Variants in DEUP1 observed in about 807,000 individuals in gnomAD.
DEUP1 encodes coiled-coil domain containing 67.
In DEUP1, 82 loss-of-function variants were observed where a neutral mutation model predicts 87.4. The ratio of observed to expected loss-of-function variants is 0.94; its 90% CI spans 0.78 to 1.13. The LOEUF is 1.13. Ranked by LOEUF, DEUP1 falls within the 50% of genes most tolerant of loss-of-function variation. The pLI, the probability that DEUP1 is intolerant of heterozygous loss-of-function variation, is 0.00. For missense variants in DEUP1, 663 were observed against 681.5 expected (o/e 0.97, Z 0.30); for synonymous variants, 214 against 222.7 (o/e 0.96, Z 0.35).
intron 13 of DEUP1, among the ~76,000 whole-genome samples, chr11:93,417,021 G>A (rs1947665246): frequency 6.6e-6 from 1 of 151,528 alleles, no homozygotes; most frequent in African/African-American, 2.4e-5. Context: ...GTATACATGG[G>A]ACGTATCTCA....
At chr11:93,355,725 TA>T (rs1220363261) in intron 3 of DEUP1, among the ~76,000 whole-genome samples, 183 bp downstream of exon 3, 1 of 152,210 alleles carries the variant, frequency 6.6e-6, no homozygotes, top group African/African-American at 2.4e-5. Flanking sequence ...AATCAGAACC[TA>T]AATCCATAGA....
chr11:93,379,440 G>C (rs11020293), intron 7 of DEUP1, among the ~76,000 whole-genome samples: 2,511 of 152,222 alleles, frequency 0.016, 23 homozygotes, highest in East Asian at 0.059. Flanking sequence ...GTACATTGAG[G>C]AACATTATTA....
In DEUP1 at chr11:93,356,974, C is replaced by T. The variant is rs1375604890; in HGVS notation, c.228C>T (p.Asp76=). 6.2e-7 allele frequency: 1 copy of T among 1,602,426 alleles called. No individual in the cohort carries two copies. Among genetic ancestry groups the T allele is most frequent in the Non-Finnish European group, 8.5e-7 (1 of 1,174,868 alleles). ...TAGGGTTACTTCGACAGAAATTGGA[C>T]AGTCTGGAAAAATGTAATTTAGCAA... The part of the protein sequence containing the change: ...QEVGLLRQKL[D]SLEKCNLAMT... Residue 76 remains aspartate (D), a synonymous_variant, in exon 4 of 14, where the codon GAC becomes GAT. Transcript: ENST00000298050.
intron 10 of DEUP1, among the ~76,000 whole-genome samples, chr11:93,395,255 C>G (rs1254971731): frequency 6.6e-6 from 1 of 152,132 alleles, no homozygotes; most frequent in Non-Finnish European, 1.5e-5. Flanking sequence ...TTCCCTCCAT[C>G]CCTTACTCAT....
chr11:93,435,995 CAAAAA>C (rs34570659), intron 13 of DEUP1, among the ~76,000 whole-genome samples: 1 of 126,508 alleles, frequency 7.9e-6, no homozygotes, highest in African/African-American at 3.1e-5. Context: ...GACTCCGTCT[CAAAAA>C]AAAAAAAAAA....
Position 93,438,211 on chromosome 11 carries a change from A to T in DEUP1, c.*492A>T, listed in dbSNP as rs1294297550. The T allele has an allele frequency of 6.6e-6, 1 of 152,116 alleles. No individual in the cohort carries two copies. The highest frequency in any genetic ancestry group is 1.5e-5 in the Non-Finnish European group (1 of 68,068). 9.4% of individuals were successfully genotyped at this position (152,116 alleles called of 1,614,324 possible). On this transcript the variant is annotated 3_prime_UTR_variant, in exon 14 of 14. Transcript: ENST00000298050. ...TATGTAAACACTCTAAAATTCTATA[A>T]TTTTTTGGAAAAAAAAAGCTATAGC...
At chr11:93,419,337 G>C (rs1465397812) in intron 13 of DEUP1, among the ~76,000 whole-genome samples, 1 of 152,166 alleles carries the variant, frequency 6.6e-6, no homozygotes, top group Non-Finnish European at 1.5e-5. Flanking sequence ...GAACAGGCAA[G>C]AATGTGCTGT....
chr11:93,371,986 T>C (rs1945752761), intron 7 of DEUP1, among the ~76,000 whole-genome samples: 1 of 150,580 alleles, frequency 6.6e-6, no homozygotes, highest in Non-Finnish European at 1.5e-5. Flanking sequence ...TGGAGTGCAG[T>C]GGCGGGATCT....
chr11:93,391,254 A>G lies in DEUP1; in HGVS notation c.1041+2129A>G, dbSNP rs2134348384. 2.0e-5 allele frequency among the ~76,000 whole-genome samples: 3 copies of G among 152,308 alleles called. No homozygotes were observed. In the South Asian group the frequency reaches 6.2e-4, roughly 32 times the overall value. On this transcript the variant is annotated intron_variant, in intron 9 of 13. Transcript: ENST00000298050. ...TTTTGTGATAACATTCACATTTTCA[A>G]TAAACCAAAAGTCATTTGGAGTTCA...
chr11:93,433,756 G>A (rs1948164994), intron 13 of DEUP1, among the ~76,000 whole-genome samples: 1 of 152,198 alleles, frequency 6.6e-6, no homozygotes, highest in African/African-American at 2.4e-5. Context: ...GAGTGAAGGA[G>A]ACAGGCTAGG....
intron 5 of DEUP1, among the ~76,000 whole-genome samples, chr11:93,368,253 C>A (rs959457936): frequency 1.3e-5 from 2 of 152,226 alleles, no homozygotes; most frequent in African/African-American, 4.8e-5. Context: ...TTAGTTAGTT[C>A]AGGCTGCTAT....
chr11:93,404,243 T>C (rs954760212), intron 11 of DEUP1, among the ~76,000 whole-genome samples: 12 of 151,998 alleles, frequency 7.9e-5, no homozygotes, highest in Non-Finnish European at 1.6e-4. Context: ...AAGTGAAGGG[T>C]TTTCTCTTAT....
At chr11:93,432,739 A>G (rs1006671250) in intron 13 of DEUP1, among the ~76,000 whole-genome samples, 1 of 152,204 alleles carries the variant, frequency 6.6e-6, no homozygotes, top group South Asian at 2.1e-4. Context: ...AAGAGAGAGT[A>G]TGAGGAAGAT....
At chr11:93,332,678 T>C (rs532804196) in intron 2 of DEUP1, among the ~76,000 whole-genome samples, 157 of 152,276 alleles carry the variant, frequency 1.0e-3, no homozygotes, top group African/African-American at 3.7e-3. Context: ...ACTCAACACT[T>C]AAACATAGCC....
chr11:93,405,552 G>A (rs1947246781), intron 11 of DEUP1, among the ~76,000 whole-genome samples: 1 of 151,944 alleles, frequency 6.6e-6, no homozygotes, highest in Admixed American at 6.6e-5. Flanking sequence ...ATTCAAAAAT[G>A]AGACTTTGCT....
At chr11:93,360,661 G>A (rs982060094) in intron 4 of DEUP1, among the ~76,000 whole-genome samples, 2 of 151,956 alleles carry the variant, frequency 1.3e-5, no homozygotes, top group African/African-American at 4.8e-5. Flanking sequence ...AAACTCAATG[G>A]ATGGACTTAA....
intron 2 of DEUP1, among the ~76,000 whole-genome samples, chr11:93,348,655 A>G (rs114540219): frequency 6.6e-6 from 1 of 152,182 alleles, no homozygotes; most frequent in East Asian, 1.9e-4. Flanking sequence ...GAGCGAATTT[A>G]TTAGTGTTGA....
intron 2 of DEUP1, among the ~76,000 whole-genome samples, chr11:93,352,895 C>G (rs575599275): frequency 6.6e-6 from 1 of 152,244 alleles, no homozygotes; most frequent in Non-Finnish European, 1.5e-5. Context: ...AGATACAATT[C>G]AAGTTGAGAT....
At chr11:93,401,283 A>C (rs1252078454) in intron 11 of DEUP1, among the ~76,000 whole-genome samples, 1 of 152,186 alleles carries the variant, frequency 6.6e-6, no homozygotes, top group East Asian at 1.9e-4. Flanking sequence ...CTCTGATGAA[A>C]GAAATTGAAG....
Sources: gnomAD v4.1 joint callset for allele counts (sites outside exome capture counted in the v4.1 genomes callset) on GRCh38, gnomAD v4.1.1 for gene constraint, MANE v1.5 for transcripts, NCBI Gene and HGNC (gene_info 2026-07-23, HGNC 2026-07-21) for gene names.